Variants in DSCAML1 observed in about 807,000 individuals in gnomAD.
DSCAML1 encodes cell adhesion molecule DSCAML1.
A neutral mutation model predicts 200.5 loss-of-function variants in DSCAML1; 38 were observed. That is an observed-to-expected ratio of 0.19 (90% confidence interval 0.15 to 0.25). The LOEUF (loss-of-function observed/expected upper bound fraction) is 0.25, where lower values mean the gene tolerates loss of function less well. Among genes scored for constraint, DSCAML1 ranks in the 10% least tolerant of loss-of-function variants. The pLI is 1.00. For synonymous variants in DSCAML1, 1,215 were observed against 1,165.0 expected (o/e 1.04, Z -0.87); for missense variants, 2,223 against 2,858.8 (o/e 0.78, Z 5.07).
chr11:117,628,478 C>T (rs1282255272), intron 3 of DSCAML1, among the ~76,000 whole-genome samples: 1 of 152,202 alleles, frequency 6.6e-6, no homozygotes, highest in African/African-American at 2.4e-5. Flanking sequence ...TTTACTAAAC[C>T]CCAAATCTAG....
chr11:117,798,685 C>T (rs1029154252), upstream of DSCAML1, among the ~76,000 whole-genome samples: 1 of 152,106 alleles, frequency 6.6e-6, no homozygotes, highest in Admixed American at 6.5e-5. Flanking sequence ...ATTCTAGGTA[C>T]CTCATAAGTG....
At chr11:117,736,542 A>G (rs2054319169) in intron 3 of DSCAML1, among the ~76,000 whole-genome samples, 1 of 152,206 alleles carries the variant, frequency 6.6e-6, no homozygotes, top group Non-Finnish European at 1.5e-5. Flanking sequence ...GAGGATGGTT[A>G]GGGTCATGCT....
At chr11:117,749,286 C>T (rs1401526602) in intron 3 of DSCAML1, among the ~76,000 whole-genome samples, 1 of 152,174 alleles carries the variant, frequency 6.6e-6, no homozygotes, top group African/African-American at 2.4e-5. Context: ...AAATTACACA[C>T]CATACACAAA....
At chr11:117,559,449 C>T (rs66657611) in intron 3 of DSCAML1, among the ~76,000 whole-genome samples, 14,551 of 152,232 alleles carry the variant, frequency 0.096, 839 homozygotes, top group East Asian at 0.19. Context: ...TTCAATATAT[C>T]TCACCTTTTT....
intron 3 of DSCAML1, among the ~76,000 whole-genome samples, chr11:117,733,741 G>T (rs2054266789): frequency 6.6e-6 from 1 of 152,002 alleles, no homozygotes; most frequent in Admixed American, 6.5e-5. Flanking sequence ...TCTTCCTCTG[G>T]GCCTCGAATC....
At chr11:117,679,324 C>T (rs1022820664) in intron 3 of DSCAML1, among the ~76,000 whole-genome samples, 5 of 152,188 alleles carry the variant, frequency 3.3e-5, no homozygotes, top group East Asian at 1.9e-4. Flanking sequence ...GTCGGAGCTG[C>T]GGCTGTGCAG....
At chr11:117,808,292 G>T (rs914049791) in intron 1 of DSCAML1, among the ~76,000 whole-genome samples, 9 of 152,156 alleles carry the variant, frequency 5.9e-5, no homozygotes, top group Non-Finnish European at 1.3e-4. Flanking sequence ...GAAGGCCTTC[G>T]GACTCTATAT....
At chr11:117,723,065 T>C (rs1428616418) in intron 3 of DSCAML1, among the ~76,000 whole-genome samples, 1 of 152,202 alleles carries the variant, frequency 6.6e-6, no homozygotes, top group Admixed American at 6.5e-5. Context: ...CAATGTGAAG[T>C]ACCTCATTGG....
intron 3 of DSCAML1, among the ~76,000 whole-genome samples, chr11:117,675,763 G>A (rs1565868083): frequency 6.6e-6 from 1 of 152,076 alleles, no homozygotes; most frequent in Non-Finnish European, 1.5e-5. Flanking sequence ...CGTAAAGGCC[G>A]GCTATTGACA....
intron 3 of DSCAML1, among the ~76,000 whole-genome samples, chr11:117,713,995 C>A (rs1327284466): frequency 6.6e-6 from 1 of 152,220 alleles, no homozygotes; most frequent in African/African-American, 2.4e-5. Context: ...GGCCTGACTA[C>A]CTGGTCCAAA....
At chr11:117,477,843 G>A (rs571477849) in intron 14 of DSCAML1, among the ~76,000 whole-genome samples, 1 of 152,150 alleles carries the variant, frequency 6.6e-6, no homozygotes, top group Non-Finnish European at 1.5e-5. Context: ...TGCCTGCCTG[G>A]GTGGGCTGTG....
At position 117,521,352 on chromosome 11, in the gene DSCAML1, T is replaced by A; in HGVS notation, c.991A>T (p.Thr331Ser). 1 of 1,614,132 alleles carries A rather than the reference T, an allele frequency of 6.2e-7. No homozygotes were observed. The highest frequency in any genetic ancestry group is 8.5e-7 in the Non-Finnish European group (1 of 1,180,016). The change falls in exon 6 of 33, where the codon ACG becomes TCG. Residue 331 changes from threonine (T) to serine (S), a missense_variant. Around this residue, in one of 7 missense-constraint regions of DSCAML1, gnomAD observed 579 missense variants for 721.5 expected, o/e 0.80. Transcript: ENST00000651296. ...PKKLKTGIGSTVILSCALTGS... is the reference protein window; with the variant it reads ...PKKLKTGIGSSVILSCALTGS... ...GTCAGGGCACAGGAGAGGATGACCG[T>A]GCTGCCAATGCCGGTCTTCAGCTTC...
rs765688169 is a variant in DSCAML1, at chr11:117,430,680, G to A, written c.5686+42C>T. On this transcript the variant is annotated intron_variant, in intron 32 of 32. Transcript: ENST00000651296. ...CCAGGGCTCATGGGGCTGGGGCCAG[G>A]GGGCGGGGGGGCACTGCCTGGGAGG... The A allele has an allele frequency of 1.0e-5, 16 of 1,566,570 alleles. No individual in the cohort carries two copies. The Admixed American group carries it at 1.6e-4, about 15-fold the overall frequency.
intron 3 of DSCAML1, among the ~76,000 whole-genome samples, chr11:117,759,158 T>C (rs1399777922): frequency 6.6e-6 from 1 of 152,084 alleles, no homozygotes; most frequent in Non-Finnish European, 1.5e-5. Context: ...GGGTCCCCGG[T>C]CCCATCAAGG....
rs1038690052 is a variant in DSCAML1, at chr11:117,607,533, A to G, written c.512-75011T>C. On this transcript the variant is annotated intron_variant, in intron 3 of 32. Transcript: ENST00000651296. ...TGGTTCAAAAGCAGAGCTCTGGTGA[A>G]GGGACTAGCTACAGAGGTGCAGGCA... 2.0e-5 allele frequency among the ~76,000 whole-genome samples: 3 copies of G among 152,246 alleles called. No homozygotes were observed. In the South Asian group the frequency reaches 6.2e-4, roughly 32 times the overall value.
At chr11:117,770,015 T>C (rs1318984803) in intron 3 of DSCAML1, among the ~76,000 whole-genome samples, 1 of 152,210 alleles carries the variant, frequency 6.6e-6, no homozygotes, top group Non-Finnish European at 1.5e-5. Flanking sequence ...CCCATTTGCC[T>C]GTGCCTGCAC....
At chr11:117,671,737 C>T (rs1442975961) in intron 3 of DSCAML1, among the ~76,000 whole-genome samples, 4 of 152,090 alleles carry the variant, frequency 2.6e-5, no homozygotes, top group Non-Finnish European at 5.9e-5. Flanking sequence ...AAATAGAAAC[C>T]GCATGGCCAC....
At chr11:117,746,025 T>C (rs1490398736) in intron 3 of DSCAML1, among the ~76,000 whole-genome samples, 1 of 150,584 alleles carries the variant, frequency 6.6e-6, no homozygotes, top group Non-Finnish European at 1.5e-5. Flanking sequence ...ACACCCTGGA[T>C]AACAAAGTAA....
At position 117,458,045 on chromosome 11, in the gene DSCAML1, G is replaced by A. The variant is rs144398120; in HGVS notation, c.3568+709C>T. On this transcript the variant is annotated intron_variant, in intron 19 of 32. Transcript: ENST00000651296. Reference sequence around the variant, plus strand: ...GCGGGGCTGGAGGCGGAAGCCCAGAGCTGTGTGCTGTTCATGCACTGTGCC... The same window carrying A: ...GCGGGGCTGGAGGCGGAAGCCCAGAACTGTGTGCTGTTCATGCACTGTGCC... Among the ~76,000 whole-genome samples, 785 of 151,894 alleles carry A rather than the reference G, an allele frequency of 5.2e-3. 7 individuals carry two copies. Among genetic ancestry groups the A allele is most frequent in the African/African-American group, 0.018 (747 of 41,424 alleles).
Sources: gnomAD v4.1 joint callset for allele counts (sites outside exome capture counted in the v4.1 genomes callset) on GRCh38, gnomAD v4.1.1 for gene constraint, gnomAD v4.1.1 regional missense constraint, MANE v1.5 for transcripts, NCBI Gene and HGNC (gene_info 2026-07-23, HGNC 2026-07-21) for gene names.